The following ATP8A2 variants were observed in gnomAD, a reference collection of about 807,000 sequenced individuals.
The protein encoded by ATP8A2 is phospholipid-transporting ATPase IB.
A neutral mutation model predicts 165.6 loss-of-function variants in ATP8A2; 100 were observed. The observed-to-expected ratio is 0.60, with a 90% CI of 0.51 to 0.71. ATP8A2 has a LOEUF of 0.71. Among genes scored for constraint, ATP8A2 ranks in the 30% least tolerant of loss-of-function variants. The pLI is 0.00. For synonymous variants in ATP8A2, 543 were observed against 548.8 expected, an observed-to-expected ratio of 0.99 and a Z score of 0.15; for missense variants, 1,227 against 1,479.5, an observed-to-expected ratio of 0.83 and a Z score of 2.80.
chr13:25,775,196 A>G (rs2044714137), intron 27 of ATP8A2, among the ~76,000 whole-genome samples: 1 of 152,124 alleles, frequency 6.6e-6, no homozygotes. Flanking sequence ...CTACCCGGAC[A>G]TGCCTTCCTC....
At chr13:25,382,819 G>A (rs1259406492) in intron 1 of ATP8A2, among the ~76,000 whole-genome samples, 3 of 150,958 alleles carry the variant, frequency 2.0e-5, no homozygotes, top group Non-Finnish European at 4.4e-5. Context: ...GCAGTGGCAC[G>A]ATCTCAGCTC....
Position 25,543,305 on chromosome 13 carries a change from G to A in ATP8A2, c.794G>A (p.Gly265Glu). Reference protein sequence around the residue: ...NLDGKSLVALGPDQILLRGTQ... With the variant: ...NLDGKSLVALEPDQILLRGTQ... ...TTTATTTTTAGCCTTGTTGCCCTTG[G>A]GCCTGACCAGATCTTATTAAGAGGT... is the stretch of plus-strand genomic sequence containing the variant. Residue 265 changes from glycine (G) to glutamate (E), a missense_variant, in exon 10 of 37, where the codon GGG becomes GAG. By Grantham distance (98) the Gly-to-Glu change is moderately conservative. Coordinates refer to ENST00000381655, the MANE Select transcript of ATP8A2 (RefSeq NM_016529.6). 1.2e-6 allele frequency: 2 copies of A among 1,607,000 alleles called. No individual in the cohort carries two copies. The highest frequency in any genetic ancestry group is 1.7e-6 in the Non-Finnish European group (2 of 1,174,834).
chr13:25,601,128 G>A (rs183282693), intron 24 of ATP8A2, among the ~76,000 whole-genome samples: 1 of 152,230 alleles, frequency 6.6e-6, no homozygotes, highest in East Asian at 1.9e-4. Context: ...ATGGCATAAG[G>A]GTCAAGACAA....
At chr13:25,829,718 AT>A (rs1462389432) in intron 28 of ATP8A2, among the ~76,000 whole-genome samples, 9 of 99,976 alleles carry the variant, frequency 9.0e-5, no homozygotes, top group Non-Finnish European at 1.6e-4. Context: ...ATATATATAT[AT>A]ATCACCTGCT....
At chr13:25,519,374 A>AT (rs144981491) in intron 2 of ATP8A2, among the ~76,000 whole-genome samples, 2,372 of 147,218 alleles carry the variant, frequency 0.016, 58 homozygotes, top group African/African-American at 0.055. Context: ...TATGTGTTCT[A>AT]TTTTTTTTTT....
chr13:25,562,266 C>T (rs1248667943), intron 15 of ATP8A2, among the ~76,000 whole-genome samples: 2 of 152,204 alleles, frequency 1.3e-5, no homozygotes, highest in African/African-American at 2.4e-5. Flanking sequence ...ACTTTCTCCA[C>T]GTCCTTGCCA....
chr13:25,902,911 A>G (rs1040586727), intron 33 of ATP8A2, among the ~76,000 whole-genome samples: 3 of 146,718 alleles, frequency 2.0e-5, no homozygotes, highest in South Asian at 2.1e-4. Context: ...CTGTCAAACT[A>G]TTAACTGACT....
In ATP8A2 at chr13:25,392,043, T is replaced by A. The variant is rs1203396079; in HGVS notation, c.76+19755T>A. Reference sequence around the variant, plus strand: ...TGGGTCTGCTTGTTTAGTGCTGAGCTGGTGCAATGTGATAGTGCAGTGAGC... The same window carrying A: ...TGGGTCTGCTTGTTTAGTGCTGAGCAGGTGCAATGTGATAGTGCAGTGAGC... On this transcript the variant is annotated intron_variant, in intron 1 of 36. Coordinates refer to ENST00000381655, the MANE Select transcript of ATP8A2 (RefSeq NM_016529.6). Among the ~76,000 whole-genome samples, 3 of 152,220 alleles carry A rather than the reference T, an allele frequency of 2.0e-5. No homozygotes were observed. In the East Asian group the frequency reaches 5.8e-4, roughly 29 times the overall value.
intron 24 of ATP8A2, among the ~76,000 whole-genome samples, chr13:25,595,825 G>A (rs765754831): frequency 1.3e-5 from 2 of 152,152 alleles, no homozygotes; most frequent in Admixed American, 6.6e-5. Flanking sequence ...AGAGAGAGGA[G>A]GAGGGTCTGA....
At chr13:25,946,592 C>T (rs777150262) in intron 33 of ATP8A2, among the ~76,000 whole-genome samples, 7 of 152,266 alleles carry the variant, frequency 4.6e-5, no homozygotes, top group South Asian at 2.1e-4. Context: ...AACTCGCCCA[C>T]GGAATGCCTC....
intron 24 of ATP8A2, among the ~76,000 whole-genome samples, chr13:25,633,010 C>T (rs2041280827): frequency 6.6e-6 from 1 of 152,140 alleles, no homozygotes; most frequent in Non-Finnish European, 1.5e-5. Flanking sequence ...AGTAAAACTC[C>T]TGAGTCACGG....
intron 1 of ATP8A2, among the ~76,000 whole-genome samples, chr13:25,442,208 G>A (rs1287943309): frequency 6.6e-6 from 1 of 152,180 alleles, no homozygotes; most frequent in Admixed American, 6.5e-5. Context: ...AAACATGGGT[G>A]TACAAATATA....
At chr13:25,635,301 C>A (rs1218929299) in intron 24 of ATP8A2, among the ~76,000 whole-genome samples, 6 of 152,126 alleles carry the variant, frequency 3.9e-5, no homozygotes, top group Non-Finnish European at 7.4e-5. Context: ...GGGGAGAAAG[C>A]ACTTAGGGAA....
chr13:25,700,619 G>A (rs557924861), intron 25 of ATP8A2, among the ~76,000 whole-genome samples: 252 of 152,178 alleles, frequency 1.7e-3, no homozygotes, highest in African/African-American at 5.9e-3. Flanking sequence ...TGAGAATTTG[G>A]GTTTTTTACC....
intron 26 of ATP8A2, among the ~76,000 whole-genome samples, chr13:25,774,035 T>C (rs1003505645): frequency 6.6e-6 from 1 of 152,198 alleles, no homozygotes; most frequent in Non-Finnish European, 1.5e-5. Context: ...ACTGAAAAAA[T>C]CTGTGTTTGC....
intron 25 of ATP8A2, among the ~76,000 whole-genome samples, chr13:25,767,294 C>G (rs1479214763): frequency 6.6e-6 from 1 of 152,184 alleles, no homozygotes; most frequent in Non-Finnish European, 1.5e-5. Flanking sequence ...CATTGATAAG[C>G]AGTGTTAAAG....
intron 23 of ATP8A2, among the ~76,000 whole-genome samples, chr13:25,587,900 T>G (rs1205645324): frequency 6.6e-6 from 1 of 152,226 alleles, no homozygotes; most frequent in Non-Finnish European, 1.5e-5. Flanking sequence ...CCATCACTGT[T>G]GTTAAAATAC....
intron 1 of ATP8A2, among the ~76,000 whole-genome samples, chr13:25,378,653 T>C (rs1049224440): frequency 3.3e-5 from 5 of 152,176 alleles, no homozygotes; most frequent in Non-Finnish European, 7.3e-5. Flanking sequence ...CTGTTCCATA[T>C]ACAGGGTGAA....
At chr13:25,670,363 G>A (rs923023171) in intron 24 of ATP8A2, among the ~76,000 whole-genome samples, 3 of 152,182 alleles carry the variant, frequency 2.0e-5, no homozygotes, top group Non-Finnish European at 2.9e-5. Flanking sequence ...CAGACGTTCT[G>A]CAGTCTCTTG....
Sources: gnomAD v4.1 joint callset for allele counts (sites outside exome capture counted in the v4.1 genomes callset) on GRCh38, gnomAD v4.1.1 for gene constraint, MANE v1.5 for transcripts, NCBI Gene and HGNC (gene_info 2026-07-23, HGNC 2026-07-21) for gene names.